The following LAMP3 variants were observed in gnomAD, a reference collection of about 807,000 sequenced individuals.
The protein encoded by LAMP3 is lysosome-associated membrane glycoprotein 3.
In LAMP3, 26 loss-of-function variants were observed where a neutral mutation model predicts 34.8. The ratio of observed to expected loss-of-function variants is 0.75; its 90% CI spans 0.55 to 1.04. The LOEUF is 1.04. Among genes scored for constraint, LAMP3 ranks in the 50% least tolerant of loss-of-function variants. The pLI, the probability that LAMP3 is intolerant of heterozygous loss-of-function variation, is 0.00. For synonymous variants in LAMP3, 180 were observed against 201.9 expected (o/e 0.89, Z 0.92); for missense variants, 495 against 524.0 (o/e 0.94, Z 0.54).
intron 3 of LAMP3, among the ~76,000 whole-genome samples, chr3:183,150,088 T>C (rs1204529247): frequency 1.3e-5 from 2 of 152,128 alleles, no homozygotes; most frequent in Admixed American, 1.3e-4. Context: ...CTCGGGGCCA[T>C]GGGCTGAGAG....
chr3:183,136,013 G>T, intron 4 of LAMP3, 126 bp from the exon 5 acceptor site: 1 of 746,934 alleles, frequency 1.3e-6, no homozygotes, highest in Non-Finnish European at 2.3e-6. Context: ...TGGGGGTTCT[G>T]CCACCTTCTC....
Position 183,153,174 on chromosome 3 carries a change from CA to C in LAMP3, c.759+507del, listed in dbSNP as rs750659929. On this transcript the variant is annotated intron_variant, in intron 2 of 5. Coordinates refer to ENST00000265598, the MANE Select transcript of LAMP3 (RefSeq NM_014398.4). ...TGAGCAACAGAGCGAGACTCCGTCT[CA>C]AAAAAAAAAAAAAAAAAGAAAGAAA... Among the ~76,000 whole-genome samples the C allele has an allele frequency of 6.4e-3, 298 of 46,694 alleles. 1 individual carries two copies. Among genetic ancestry groups the C allele is most frequent in the African/African-American group, 0.021 (268 of 12,722 alleles). The allele number at this position is 46,694 out of a possible 152,430, so 30.6% of individuals were successfully genotyped here.
intron 5 of LAMP3, among the ~76,000 whole-genome samples, chr3:183,131,341 C>T (rs1297839882): frequency 1.3e-5 from 2 of 152,150 alleles, no homozygotes; most frequent in Non-Finnish European, 2.9e-5. Flanking sequence ...GAATAAACAC[C>T]TTGTCCTCTG....
At chr3:183,158,588 A>G (rs1442088024) in intron 1 of LAMP3, among the ~76,000 whole-genome samples, 3 of 151,096 alleles carry the variant, frequency 2.0e-5, no homozygotes, top group African/African-American at 7.3e-5. Context: ...AATTTGCATG[A>G]AGAGGCGTTA....
chr3:183,126,372 T>A (rs927541323), intron 5 of LAMP3, among the ~76,000 whole-genome samples: 1 of 152,142 alleles, frequency 6.6e-6, no homozygotes, highest in African/African-American at 2.4e-5. Context: ...GGAGGGCAAC[T>A]TTTACTCTCT....
intron 2 of LAMP3, among the ~76,000 whole-genome samples, chr3:183,153,153 C>A (rs913534658): frequency 2.5e-5 from 3 of 119,742 alleles, no homozygotes; most frequent in African/African-American, 9.8e-5. Flanking sequence ...CCAGCCTGAG[C>A]AACAGAGCGA....
chr3:183,150,599 G>A (rs1462429410), intron 3 of LAMP3, among the ~76,000 whole-genome samples: 1 of 127,926 alleles, frequency 7.8e-6, no homozygotes, highest in Non-Finnish European at 1.6e-5. Flanking sequence ...GAGAGCAGTG[G>A]TGCAATCATT....
intron 1 of LAMP3, among the ~76,000 whole-genome samples, chr3:183,154,848 A>G (rs547545216): frequency 1.3e-5 from 2 of 152,334 alleles, no homozygotes; most frequent in South Asian, 4.1e-4. Context: ...AGAGTTACAC[A>G]GTTTTCACAG....
chr3:183,129,046 A>ATTTTGTCTTTTGTCTT (rs1719849394), intron 5 of LAMP3, among the ~76,000 whole-genome samples: 1 of 152,208 alleles, frequency 6.6e-6, no homozygotes, highest in Admixed American at 6.5e-5. Flanking sequence ...AAACAAAAGA[A>ATTTTGTCTTTTGTCTT]TATCTGCCTA....
Position 183,149,177 on chromosome 3 carries a change from T to C in LAMP3, c.888+3198A>G, listed in dbSNP as rs146678219. 2.1e-3 allele frequency among the ~76,000 whole-genome samples: 312 copies of C among 151,304 alleles called. 1 individual carries two copies. Among genetic ancestry groups the C allele is most frequent in the African/African-American group, 7.2e-3 (295 of 41,190 alleles). ...CTCATGGAGATAGAGAGTAGAATGATGGTTACCAGAGGCTGGAAAGGGTAA... is the reference window on the plus strand; with the variant it reads ...CTCATGGAGATAGAGAGTAGAATGACGGTTACCAGAGGCTGGAAAGGGTAA... On this transcript the variant is annotated intron_variant, in intron 3 of 5. Transcript: ENST00000265598.
chr3:183,147,266 G>A lies in LAMP3; in HGVS notation c.888+5109C>T, dbSNP rs530084563. Among the ~76,000 whole-genome samples, 225 of 151,436 alleles carry A rather than the reference G, an allele frequency of 1.5e-3. 2 individuals carry two copies. The highest frequency in any genetic ancestry group is 6.8e-3 in the Middle Eastern group (2 of 292). ...TAAAAACAAAGAAAAAAAAAATATT[G>A]AACAACTGGCACAGAAGGGAAGTCA... On this transcript the variant is annotated intron_variant, in intron 3 of 5. Coordinates refer to ENST00000265598, the MANE Select transcript of LAMP3 (RefSeq NM_014398.4).
chr3:183,142,250 G>A (rs1035865490), intron 3 of LAMP3, among the ~76,000 whole-genome samples: 1 of 152,158 alleles, frequency 6.6e-6, no homozygotes, highest in African/African-American at 2.4e-5. Flanking sequence ...AGGGCAAAGA[G>A]CGTCCATCGA....
chr3:183,133,358 C>G (rs1719984434), intron 5 of LAMP3, among the ~76,000 whole-genome samples: 1 of 152,142 alleles, frequency 6.6e-6, no homozygotes, highest in African/African-American at 2.4e-5. Context: ...TATTCTCCAA[C>G]TCTAGTAATA....
chr3:183,134,816 T>C (rs1196802832), intron 5 of LAMP3, among the ~76,000 whole-genome samples: 1 of 152,246 alleles, frequency 6.6e-6, no homozygotes, highest in Non-Finnish European at 1.5e-5. Context: ...CGGCTAAACT[T>C]CTAGCTAAAT....
intron 1 of LAMP3, among the ~76,000 whole-genome samples, chr3:183,158,970 C>T (rs1720900101): frequency 6.6e-6 from 1 of 151,928 alleles, no homozygotes; most frequent in Non-Finnish European, 1.5e-5. Flanking sequence ...ATGCTCAGGG[C>T]TCACTGTAGC....
At chr3:183,138,667 A>G (rs189025950) in intron 4 of LAMP3, among the ~76,000 whole-genome samples, 64 of 152,210 alleles carry the variant, frequency 4.2e-4, no homozygotes, top group Non-Finnish European at 8.1e-4. Context: ...CAACAACCAA[A>G]GTGAACCTTT....
intron 3 of LAMP3, among the ~76,000 whole-genome samples, chr3:183,146,921 G>A (rs1196569279): frequency 1.3e-5 from 2 of 151,682 alleles, no homozygotes; most frequent in African/African-American, 4.8e-5. Flanking sequence ...CAGAAGATCT[G>A]GCAATACCAC....
chr3:183,129,765 T>C (rs34781953), intron 5 of LAMP3, among the ~76,000 whole-genome samples: 3 of 152,212 alleles, frequency 2.0e-5, no homozygotes, highest in Admixed American at 6.5e-5. Context: ...TAACTTTCTG[T>C]TATGGACTAA....
chr3:183,135,439 CTGT>C (rs770259946), intron 5 of LAMP3, among the ~76,000 whole-genome samples: 5 of 152,162 alleles, frequency 3.3e-5, no homozygotes, highest in Non-Finnish European at 7.3e-5. Flanking sequence ...GGTGGTATTT[CTGT>C]TGTTTTGATT....
Sources: gnomAD v4.1 joint callset for allele counts (sites outside exome capture counted in the v4.1 genomes callset) on GRCh38, gnomAD v4.1.1 for gene constraint, MANE v1.5 for transcripts, NCBI Gene and HGNC (gene_info 2026-07-23, HGNC 2026-07-21) for gene names.